Variants in PCDHGB3 observed in about 807,000 individuals in gnomAD.
PCDHGB3 encodes protocadherin gamma subfamily B, 3.
In PCDHGB3, 40 loss-of-function variants were observed where a neutral mutation model predicts 59.2. That is an observed-to-expected ratio of 0.68 (90% CI 0.52 to 0.88). The LOEUF (loss-of-function observed/expected upper bound fraction) is 0.88. PCDHGB3 is among the 40% of genes least tolerant of loss of function. The pLI is 0.00. For synonymous variants in PCDHGB3, 581 were observed against 503.6 expected, an observed-to-expected ratio of 1.15 and a Z score of -2.06; for missense variants, 1,309 against 1,187.9, an observed-to-expected ratio of 1.10 and a Z score of -1.50.
At position 141,392,979 on chromosome 5, in the gene PCDHGB3, C is replaced by A. The variant is rs1356713892; in HGVS notation, c.2415+20170C>A. 1.9e-6 allele frequency: 3 copies of A among 1,613,718 alleles called. No individual in the cohort carries two copies. In the South Asian group the frequency reaches 3.3e-5, roughly 18 times the overall value. ...TATCTCCAAGGACCTGGGGCTGGACCCCCGGAAGCTGGCGAAGCACGGAGT... is the reference window on the plus strand; with the variant it reads ...TATCTCCAAGGACCTGGGGCTGGACACCCGGAAGCTGGCGAAGCACGGAGT... On this transcript the variant is annotated intron_variant, in intron 1 of 3. Transcript: ENST00000576222.
At chr5:141,401,226 C>T (rs960294428) in intron 1 of PCDHGB3, among the ~76,000 whole-genome samples, 1 of 152,102 alleles carries the variant, frequency 6.6e-6, no homozygotes, top group African/African-American at 2.4e-5. Context: ...CCTGTAATCC[C>T]AGCTACTCAG....
rs571325193 is a variant in PCDHGB3, at chr5:141,372,063, G to C, written c.1669G>C (p.Asp557His). The change falls in exon 1 of 4, where the codon GAC (aspartate) becomes CAC (histidine). Residue 557 changes from aspartate to histidine, a missense_variant. Coordinates refer to ENST00000576222, the MANE Select transcript of PCDHGB3 (RefSeq NM_018924.5). ...GCGCGTGTTGGTGGACGACCGCAAC[G>C]ACAATGCACCGCTGGTGCTGTACCC... ...SLRVLVDDRN[D>H]NAPLVLYPAL... 20 of 1,613,430 alleles carry C rather than the reference G, an allele frequency of 1.2e-5. No individual in the cohort carries two copies. Among genetic ancestry groups the C allele is most frequent in the East Asian group, 2.2e-5 (1 of 44,894 alleles).
chr5:141,406,258 G>C (rs895877034), intron 1 of PCDHGB3, among the ~76,000 whole-genome samples: 13 of 151,882 alleles, frequency 8.6e-5, no homozygotes, highest in South Asian at 2.1e-4. Flanking sequence ...GGTCTCAAAC[G>C]ATCTTCCTGC....
At chr5:141,405,267 A>G (rs1384687423) in intron 1 of PCDHGB3, 1 of 1,614,154 alleles carries the variant, frequency 6.2e-7, no homozygotes, top group South Asian at 1.1e-5. Context: ...ATCTTCCCCC[A>G]GCCCAACTAT....
At chr5:141,387,768 T>G (rs892776132) in intron 1 of PCDHGB3, 1 of 1,435,344 alleles carries the variant, frequency 7.0e-7, no homozygotes, top group African/African-American at 1.4e-5. Context: ...AGAAGAATTT[T>G]TTCTTGAACT....
intron 2 of PCDHGB3, among the ~76,000 whole-genome samples, chr5:141,496,486 C>T (rs186488143): frequency 1.3e-5 from 2 of 152,322 alleles, no homozygotes; most frequent in East Asian, 3.9e-4. Flanking sequence ...CTGCAACCAA[C>T]CAAACCCTTG....
intron 1 of PCDHGB3, chr5:141,374,208 G>A (rs777295061): frequency 1.2e-6 from 2 of 1,613,952 alleles, no homozygotes; most frequent in East Asian, 2.2e-5. Context: ...CTGGAGAAAG[G>A]CTCCTTCGTA....
intron 2 of PCDHGB3, 160 bp from the exon 3 acceptor site, chr5:141,505,233 C>T: frequency 1.1e-6 from 1 of 872,838 alleles, no homozygotes; most frequent in Non-Finnish European, 1.4e-6. Context: ...ATTCTGGCTT[C>T]TGAAGGATTG....
At chr5:141,406,083 T>C (rs539696065) in intron 1 of PCDHGB3, among the ~76,000 whole-genome samples, 2 of 151,900 alleles carry the variant, frequency 1.3e-5, no homozygotes, top group South Asian at 4.2e-4. Flanking sequence ...TTTTTTTTTT[T>C]TTTTAAGAGA....
At position 141,497,103 on chromosome 5, in the gene PCDHGB3, T is replaced by C. The variant is rs182534106; in HGVS notation, c.2474+2238T>C. On this transcript the variant is annotated intron_variant, in intron 2 of 3. Transcript: ENST00000576222. ...ACTTAGGAGGCTGAGGCAGAACTGC[T>C]TGAACCCGGAAGGCAGAGGTTGCAG... Among the ~76,000 whole-genome samples, 34 of 152,160 alleles carry C rather than the reference T, an allele frequency of 2.2e-4. 1 individual carries two copies. Among genetic ancestry groups the C allele is most frequent in the Admixed American group, 6.6e-4 (10 of 15,264 alleles).
chr5:141,374,107 G>A, intron 1 of PCDHGB3: 3 of 1,573,706 alleles, frequency 1.9e-6, no homozygotes, highest in Non-Finnish European at 8.6e-7. Flanking sequence ...AGAGGCATCC[G>A]CAGCGCAGCG....
rs768354664 is a variant in PCDHGB3 at position 141,485,690 on chromosome 5, A to C, written c.2416-9117A>C. On this transcript the variant is annotated intron_variant, in intron 1 of 3. Coordinates refer to ENST00000576222, the MANE Select transcript of PCDHGB3 (RefSeq NM_018924.5). This position sits in a 1 kb window ranked among gnomAD's most constrained non-coding sequence, Gnocchi z 5.7. ...CAATTCGATTAGCAGCTATAGGCTG[A>C]GCTCCAATGAACACTTTGCACTGGA... 1.6e-5 allele frequency: 26 copies of C among 1,614,106 alleles called. No individual in the cohort carries two copies. In the South Asian group the frequency reaches 2.7e-4, roughly 17 times the overall value.
chr5:141,479,453 A>G (rs994349416), intron 1 of PCDHGB3: 1 of 152,266 alleles, frequency 6.6e-6, no homozygotes, highest in Non-Finnish European at 1.5e-5. Context: ...TAAGTTCAGC[A>G]TGAATACAGT....
At chr5:141,501,901 C>T (rs1595767273) in intron 2 of PCDHGB3, among the ~76,000 whole-genome samples, 1 of 152,070 alleles carries the variant, frequency 6.6e-6, no homozygotes, top group Non-Finnish European at 1.5e-5. Context: ...TGGTTCCAAC[C>T]CCACTGTTCC....
chr5:141,448,329 A>T (rs1166759766), intron 1 of PCDHGB3, among the ~76,000 whole-genome samples: 1 of 152,146 alleles, frequency 6.6e-6, no homozygotes, highest in Non-Finnish European at 1.5e-5. Context: ...TTGAATCTTT[A>T]TAGCCATGTA....
intron 1 of PCDHGB3, chr5:141,421,453 T>G: frequency 1.2e-6 from 2 of 1,614,102 alleles, no homozygotes; most frequent in Middle Eastern, 1.6e-4. Context: ...GACACAGCTT[T>G]TCGCTGTGAA....
At position 141,371,913 on chromosome 5, in the gene PCDHGB3, G is replaced by T. The variant is rs569737317; in HGVS notation, c.1519G>T (p.Val507Leu). 1 of 1,613,394 alleles carries T rather than the reference G, an allele frequency of 6.2e-7. No individual in the cohort carries two copies. Among genetic ancestry groups the T allele is most frequent in the African/African-American group, 1.3e-5 (1 of 75,086 alleles). The change falls in exon 1 of 4, where the codon GTG (valine) becomes TTG (leucine). Residue 507 changes from valine to leucine, a missense_variant. By Grantham distance (32) the Val-to-Leu change is conservative (BLOSUM62 1). Transcript: ENST00000576222. ...EPRELSSYVS[V>L]SARSGVVFAQ... is the part of the protein sequence containing the mutation. ...GCGGGAGCTGTCGTCCTACGTGTCC[G>T]TGAGCGCGCGGAGCGGGGTGGTGTT...
At position 141,432,275 on chromosome 5, in the gene PCDHGB3, T is replaced by C. The variant is rs775413198; in HGVS notation, c.2415+59466T>C. 2 of 1,614,232 alleles carry C rather than the reference T, an allele frequency of 1.2e-6. No homozygotes were observed. Among genetic ancestry groups the C allele is most frequent in the South Asian group, 2.2e-5 (2 of 91,086 alleles). On this transcript the variant is annotated intron_variant, in intron 1 of 3. Coordinates refer to ENST00000576222, the MANE Select transcript of PCDHGB3 (RefSeq NM_018924.5). This position sits in a 1 kb window ranked among gnomAD's most constrained non-coding sequence, Gnocchi z 6.0. ...AGGGGCAAGCCTATCGTCCTACGTG[T>C]CCATCAACTCCGACACTGGGGTACT... is the stretch of plus-strand genomic sequence containing the variant.
intron 1 of PCDHGB3, chr5:141,426,680 T>C (rs1261836011): frequency 2.3e-6 from 1 of 431,334 alleles, no homozygotes; most frequent in East Asian, 7.2e-5. Flanking sequence ...CACCTCATTT[T>C]CCCCAAAATA....
Sources: allele counts gnomAD v4.1 joint callset (sites outside exome capture counted in the v4.1 genomes callset), GRCh38; gene constraint gnomAD v4.1.1; non-coding constraint Gnocchi (gnomAD v3.1); transcripts MANE v1.5; gene names NCBI Gene and HGNC (gene_info 2026-07-23, HGNC 2026-07-21).